PLEKHH2: variants seen among roughly 807,000 people sequenced by gnomAD.
PLEKHH2 encodes the protein pleckstrin homology, MyTH4 and FERM domain containing H2.
A neutral mutation model predicts 187.9 loss-of-function variants in PLEKHH2; 129 were observed. That is an observed-to-expected ratio of 0.69 (90% CI 0.59 to 0.79). The LOEUF is 0.79. Among genes scored for constraint, PLEKHH2 ranks in the 30% least tolerant of loss-of-function variants. The pLI is 0.00. For missense variants in PLEKHH2, 2,076 were observed against 1,751.2 expected, an observed-to-expected ratio of 1.19 and a Z score of -3.31; for synonymous variants, 686 against 605.6, an observed-to-expected ratio of 1.13 and a Z score of -1.95.
rs75182298 is a variant in PLEKHH2 at position 43,766,012 on chromosome 2, G to A, written c.*414G>A. ...TTTGGAAATGTTCACTGCCAAAATA[G>A]TAAGTGCTATAACTAAATGCGCTTT... On this transcript the variant is annotated 3_prime_UTR_variant, in exon 30 of 30. Transcript: ENST00000282406. The A allele has an allele frequency of 7.7e-3, 1,266 of 163,404 alleles. 22 individuals carry two copies. The highest frequency in any genetic ancestry group is 0.029 in the African/African-American group (1,211 of 41,760). 10.1% of individuals were successfully genotyped at this position (163,404 alleles called of 1,614,324 possible). A position where few individuals can be genotyped will look rare whatever the true frequency, so the allele number is the denominator to read the frequency against.
Position 43,649,212 on chromosome 2 carries a change from A to G in PLEKHH2, c.123+4416A>G, listed in dbSNP as rs112125128. Among the ~76,000 whole-genome samples the G allele has an allele frequency of 4.0e-3, 604 of 152,306 alleles. 4 individuals carry two copies. Among genetic ancestry groups the G allele is most frequent in the Admixed American group, 5.0e-3 (77 of 15,306 alleles). ...AAATATCCCTAGTATGCCAAATATA[A>G]ACTCTTCAGGGAAGCTGAGATTTAA... is the stretch of plus-strand genomic sequence containing the variant. On this transcript the variant is annotated intron_variant, in intron 2 of 29. Coordinates refer to ENST00000282406, the MANE Select transcript of PLEKHH2 (RefSeq NM_172069.4).
chr2:43,719,020 G>A (rs1436019255), intron 15 of PLEKHH2, among the ~76,000 whole-genome samples: 1 of 152,132 alleles, frequency 6.6e-6, no homozygotes, highest in Non-Finnish European at 1.5e-5. Context: ...TAGTGAGGAC[G>A]GAAGCATTTA....
intron 29 of PLEKHH2, 29 bp downstream of exon 29, chr2:43,764,394 TTG>T (rs779929987): frequency 4.2e-5 from 68 of 1,603,956 alleles, no homozygotes; most frequent in Non-Finnish European, 1.6e-5. Context: ...GCCAACTTTT[TTG>T]TCCTAGTTGT....
rs1669953745 is a variant in PLEKHH2 at position 43,711,320 on chromosome 2, G to T, written c.2301+745G>T. 3 of 985,250 alleles carry T rather than the reference G, an allele frequency of 3.0e-6. No homozygotes were observed. In the African/African-American group the frequency reaches 5.2e-5, roughly 17 times the overall value. The allele number at this position is 985,250 out of a possible 1,614,324, so 61.0% of individuals were successfully genotyped here. On this transcript the variant is annotated intron_variant, in intron 14 of 29. Transcript: ENST00000282406. Reference sequence around the variant, plus strand: ...AAACCTCTCAAAAATTTAGAAAGGAGAATCAAGGAAAGCTTTGTCTTTGGG... The same window carrying T: ...AAACCTCTCAAAAATTTAGAAAGGATAATCAAGGAAAGCTTTGTCTTTGGG...
intron 2 of PLEKHH2, chr2:43,676,224 G>T: frequency 6.2e-7 from 1 of 1,613,998 alleles, no homozygotes; most frequent in Non-Finnish European, 8.5e-7. Context: ...TTTGACCTCT[G>T]TGTCGAATGT....
intron 2 of PLEKHH2, among the ~76,000 whole-genome samples, chr2:43,670,964 G>A (rs1667467793): frequency 6.6e-6 from 1 of 150,648 alleles, no homozygotes; most frequent in Non-Finnish European, 1.5e-5. Context: ...AATTTCAATT[G>A]TTTATTGCTC....
intron 19 of PLEKHH2, among the ~76,000 whole-genome samples, chr2:43,732,907 A>G (rs1375793526): frequency 6.6e-6 from 1 of 152,234 alleles, no homozygotes; most frequent in Non-Finnish European, 1.5e-5. Flanking sequence ...TGACGCCAAT[A>G]AAAATTCAGG....
At chr2:43,675,694 A>C (rs778008655) in intron 2 of PLEKHH2, 2 of 1,613,876 alleles carry the variant, frequency 1.2e-6, no homozygotes, top group East Asian at 4.5e-5. Context: ...CTTCCAAATC[A>C]CACTTTGATC....
chr2:43,716,045 G>A (rs974396417), intron 15 of PLEKHH2, among the ~76,000 whole-genome samples: 7 of 152,162 alleles, frequency 4.6e-5, no homozygotes, highest in African/African-American at 1.7e-4. Flanking sequence ...CCTTCAGTGG[G>A]TTGAAGGGTA....
intron 2 of PLEKHH2, among the ~76,000 whole-genome samples, chr2:43,645,512 C>T (rs1283529497): frequency 1.3e-5 from 2 of 152,072 alleles, no homozygotes; most frequent in African/African-American, 4.8e-5. Flanking sequence ...CCACTAGCCA[C>T]ATGTGGATGT....
intron 2 of PLEKHH2, among the ~76,000 whole-genome samples, chr2:43,666,327 T>G (rs538889170): frequency 3.3e-5 from 5 of 151,420 alleles, no homozygotes; most frequent in Admixed American, 6.5e-5. Flanking sequence ...TCGCCCTGCT[T>G]CGGCTCGCGC....
At chr2:43,690,601 T>G (rs200045336) in intron 3 of PLEKHH2, among the ~76,000 whole-genome samples, 1 of 152,200 alleles carries the variant, frequency 6.6e-6, no homozygotes, top group Non-Finnish European at 1.5e-5. Context: ...TAATTTCAGA[T>G]TTTCATCTTA....
chr2:43,689,085 T>C (rs1443765715), intron 3 of PLEKHH2, among the ~76,000 whole-genome samples: 1 of 152,172 alleles, frequency 6.6e-6, no homozygotes, highest in African/African-American at 2.4e-5. Flanking sequence ...CTTATATTAA[T>C]ACAAAGGCAG....
At chr2:43,681,735 C>T in intron 3 of PLEKHH2, 1 of 488,374 alleles carries the variant, frequency 2.0e-6, no homozygotes, top group Non-Finnish European at 3.6e-6. Flanking sequence ...ATGCCCCAGA[C>T]ACCCCATTCA....
chr2:43,741,515 A>G (rs1204893898), intron 21 of PLEKHH2: 1 of 153,020 alleles, frequency 6.5e-6, no homozygotes, highest in African/African-American at 2.4e-5. Context: ...AACTTCCAGA[A>G]TGGCTTTCTT....
At chr2:43,691,527 C>T (rs200477024) in intron 3 of PLEKHH2, among the ~76,000 whole-genome samples, 3 of 152,174 alleles carry the variant, frequency 2.0e-5, no homozygotes, top group Non-Finnish European at 4.4e-5. Flanking sequence ...GTGTGCCAAA[C>T]GGGAAGGCAG....
At chr2:43,740,749 G>A (rs1323210098) in intron 20 of PLEKHH2, 197 bp from the exon 21 acceptor site, 1 of 989,232 alleles carries the variant, frequency 1.0e-6, no homozygotes, top group Non-Finnish European at 1.3e-6. Flanking sequence ...CACACAACTA[G>A]ATGGATCATA....
intron 3 of PLEKHH2, chr2:43,681,102 G>T: frequency 9.7e-7 from 1 of 1,028,552 alleles, no homozygotes; most frequent in Non-Finnish European, 1.5e-6. Context: ...ACCAACTCCA[G>T]AATTACTATG....
At chr2:43,650,307 A>C (rs1666402543) in intron 2 of PLEKHH2, among the ~76,000 whole-genome samples, 1 of 151,212 alleles carries the variant, frequency 6.6e-6, no homozygotes, top group African/African-American at 2.4e-5. Context: ...TAATTTTTGT[A>C]TTTTTAGTAG....
Sources: gnomAD v4.1 joint callset for allele counts (sites outside exome capture counted in the v4.1 genomes callset) on GRCh38, gnomAD v4.1.1 for gene constraint, MANE v1.5 for transcripts, NCBI Gene and HGNC (gene_info 2026-07-23, HGNC 2026-07-21) for gene names.